C12orf42: variants seen among roughly 807,000 people sequenced by gnomAD.
The protein encoded by C12orf42 is chromosome 12 open reading frame 42.
In C12orf42, 25 loss-of-function variants were observed where a neutral mutation model predicts 21.6. That is an observed-to-expected ratio of 1.16 (90% confidence interval 0.84 to 1.62). The LOEUF is 1.62. C12orf42 is among the 40% of genes most tolerant of loss of function. The pLI is 0.00. For missense variants in C12orf42, 483 were observed against 459.3 expected, an observed-to-expected ratio of 1.05 and a Z score of -0.47; for synonymous variants, 174 against 175.0, an observed-to-expected ratio of 0.99 and a Z score of 0.05.
intron 4 of C12orf42, among the ~76,000 whole-genome samples, chr12:103,293,457 A>G (rs2036952369): frequency 6.6e-6 from 1 of 152,094 alleles, no homozygotes. Flanking sequence ...TGCTACTTCC[A>G]TTTTATCCAC....
the C12orf42 span, among the ~76,000 whole-genome samples, chr12:103,055,234 T>G: frequency 6.6e-6 from 1 of 151,940 alleles, no homozygotes; most frequent in Non-Finnish European, 1.5e-5. Flanking sequence ...CATTATAAAA[T>G]AAGTTGTCTT....
chr12:103,486,775 T>C (rs1285783504), intron 1 of C12orf42, among the ~76,000 whole-genome samples: 1 of 152,166 alleles, frequency 6.6e-6, no homozygotes, highest in African/African-American at 2.4e-5. Flanking sequence ...TATCTGATAG[T>C]AGTTTGTATT....
intron 4 of C12orf42, among the ~76,000 whole-genome samples, chr12:103,312,065 T>C (rs1007147220): frequency 1.3e-5 from 2 of 152,236 alleles, no homozygotes; most frequent in African/African-American, 4.8e-5. Context: ...AACTTGCATG[T>C]TCCTTTACAT....
chr12:103,165,729 G>A, the C12orf42 span, among the ~76,000 whole-genome samples: 1 of 152,140 alleles, frequency 6.6e-6, no homozygotes, highest in Admixed American at 6.5e-5. Context: ...ATAATCTGAA[G>A]ACATCACAGT....
intron 4 of C12orf42, among the ~76,000 whole-genome samples, chr12:103,329,324 G>A (rs1040804334): frequency 6.6e-6 from 1 of 152,068 alleles, no homozygotes; most frequent in South Asian, 2.1e-4. Flanking sequence ...TACTAAGAAA[G>A]TCCAATGAGA....
At chr12:103,255,978 G>C (rs1353642457) in intron 10 of C12orf42, among the ~76,000 whole-genome samples, 1 of 142,452 alleles carries the variant, frequency 7.0e-6, no homozygotes, top group Non-Finnish European at 1.5e-5. Context: ...GCGTGAACCC[G>C]GGAGGTGGAG....
chr12:103,140,420 C>T, the C12orf42 span, among the ~76,000 whole-genome samples: 2 of 152,152 alleles, frequency 1.3e-5, no homozygotes, highest in Non-Finnish European at 2.9e-5. Context: ...CTCTTACGCT[C>T]TTTGAATTCC....
intron 10 of C12orf42, among the ~76,000 whole-genome samples, chr12:103,246,492 ACT>A (rs1359449861): frequency 3.3e-5 from 5 of 151,928 alleles, no homozygotes; most frequent in Non-Finnish European, 7.4e-5. Context: ...ATGCCATATG[ACT>A]CTGTACCATA....
chr12:103,508,119 G>C, the C12orf42 span, among the ~76,000 whole-genome samples: 1 of 152,028 alleles, frequency 6.6e-6, no homozygotes, highest in East Asian at 1.9e-4. Context: ...AGATACAGGT[G>C]GTCCCCAACT....
chr12:103,366,297 T>C (rs1487503108), intron 4 of C12orf42, among the ~76,000 whole-genome samples: 1 of 152,080 alleles, frequency 6.6e-6, no homozygotes, highest in African/African-American at 2.4e-5. Flanking sequence ...ATCTCTCACA[T>C]TATACAAAAT....
At chr12:103,223,408 G>A in the C12orf42 span, among the ~76,000 whole-genome samples, 1 of 152,158 alleles carries the variant, frequency 6.6e-6, no homozygotes, top group Non-Finnish European at 1.5e-5. Context: ...GAAACTAAAT[G>A]GAATAACAGA....
chr12:103,428,042 C>T (rs936405806), intron 2 of C12orf42, among the ~76,000 whole-genome samples: 6 of 152,196 alleles, frequency 3.9e-5, no homozygotes, highest in Non-Finnish European at 5.9e-5. Flanking sequence ...AAAATTGATG[C>T]CCTAACATCA....
rs1053526067 is a variant in C12orf42 at position 103,305,956 on chromosome 12, C to A, written c.631+18G>T. 8.8e-6 allele frequency: 14 copies of A among 1,582,136 alleles called. No individual in the cohort carries two copies. The highest frequency in any genetic ancestry group is 8.6e-7 in the Non-Finnish European group (1 of 1,160,478). On this transcript the variant is annotated intron_variant, in intron 5 of 5. Coordinates refer to ENST00000548883, the MANE Select transcript of C12orf42 (RefSeq NM_198521.5). ...CAGTTGAAACAAGAAGAGTCAGTAA[C>A]CACAACATGATACTTACCAGAATTT...
intron 4 of C12orf42, among the ~76,000 whole-genome samples, chr12:103,342,424 T>C (rs550967462): frequency 2.6e-5 from 4 of 152,096 alleles, no homozygotes. Context: ...GAAAAACGAA[T>C]ATGCATGGAG....
At chr12:103,095,607 C>T in the C12orf42 span, among the ~76,000 whole-genome samples, 3 of 152,182 alleles carry the variant, frequency 2.0e-5, no homozygotes, top group Non-Finnish European at 4.4e-5. Context: ...TGCCTTCCAA[C>T]ATACCATACA....
chr12:103,243,167 G>C (rs1593195753), intron 10 of C12orf42, among the ~76,000 whole-genome samples: 1 of 152,016 alleles, frequency 6.6e-6, no homozygotes, highest in East Asian at 1.9e-4. Flanking sequence ...GGGACTACAG[G>C]CACACACCAC....
chr12:103,212,381 T>A, the C12orf42 span, among the ~76,000 whole-genome samples: 1 of 152,234 alleles, frequency 6.6e-6, no homozygotes, highest in African/African-American at 2.4e-5. Context: ...TTTCCTTTTA[T>A]GTTTTTTGTT....
At chr12:103,117,748 T>C in the C12orf42 span, among the ~76,000 whole-genome samples, 1 of 152,226 alleles carries the variant, frequency 6.6e-6, no homozygotes, top group African/African-American at 2.4e-5. Context: ...GAGGTGAAGA[T>C]GAGTAATGTG....
At chr12:103,307,393 G>T (rs2038471179) in intron 4 of C12orf42, among the ~76,000 whole-genome samples, 1 of 152,176 alleles carries the variant, frequency 6.6e-6, no homozygotes, top group South Asian at 2.1e-4. Flanking sequence ...TTCTTATCCA[G>T]CAGTTGATAT....
Sources: allele counts gnomAD v4.1 joint callset (sites outside exome capture counted in the v4.1 genomes callset), GRCh38; gene constraint gnomAD v4.1.1; transcripts MANE v1.5; gene names NCBI Gene and HGNC (gene_info 2026-07-23, HGNC 2026-07-21).